Variants in ERG observed in about 807,000 individuals in gnomAD.
The protein encoded by ERG is ETS transcription factor ERG.
A neutral mutation model predicts 55.3 loss-of-function variants in ERG; 9 were observed. That is an observed-to-expected ratio of 0.16 (90% CI 0.10 to 0.28). The LOEUF is 0.28. Ranked by LOEUF, ERG falls within the 10% of genes least tolerant of loss-of-function variation. ERG has a pLI of 1.00. For missense variants in ERG, 434 were observed against 631.6 expected (o/e 0.69, Z 3.35); for synonymous variants, 223 against 237.3 (o/e 0.94, Z 0.55).
intron 2 of ERG, among the ~76,000 whole-genome samples, chr21:38,432,840 C>G (rs1990279801): frequency 6.6e-6 from 1 of 152,224 alleles, no homozygotes; most frequent in Non-Finnish European, 1.5e-5. Context: ...ACTCTATGCC[C>G]TTGCTTGGTA....
chr21:38,562,540 CT>C (rs1335363722), intron 2 of ERG, among the ~76,000 whole-genome samples: 1 of 152,174 alleles, frequency 6.6e-6, no homozygotes, highest in African/African-American at 2.4e-5. Flanking sequence ...CCCCAGGTGA[CT>C]TATGGATGTA....
intron 1 of ERG, among the ~76,000 whole-genome samples, chr21:38,463,333 T>C (rs957843270): frequency 6.6e-5 from 10 of 152,160 alleles, no homozygotes; most frequent in African/African-American, 2.4e-4. Flanking sequence ...TGAAGGCTCA[T>C]TCTGCATGTG....
chr21:38,473,087 T>C (rs752456161), intron 1 of ERG, among the ~76,000 whole-genome samples: 8 of 148,128 alleles, frequency 5.4e-5, no homozygotes, highest in Non-Finnish European at 1.0e-4. Flanking sequence ...TTCTGAGGTG[T>C]AGCAAGTTTT....
At chr21:38,573,389 T>C (rs1444881812) in intron 2 of ERG, among the ~76,000 whole-genome samples, 1 of 152,228 alleles carries the variant, frequency 6.6e-6, no homozygotes, top group African/African-American at 2.4e-5. Flanking sequence ...TGTCTGCCCC[T>C]GGGAACTGAA....
chr21:38,461,455 C>T (rs1402235382), intron 1 of ERG, among the ~76,000 whole-genome samples: 2 of 152,214 alleles, frequency 1.3e-5, no homozygotes, highest in Admixed American at 6.5e-5. Context: ...CACTATTCAA[C>T]CCATACCATC....
the ERG span, chr21:38,367,777 T>G: frequency 2.5e-6 from 1 of 407,898 alleles, no homozygotes; most frequent in Non-Finnish European, 4.8e-6. Flanking sequence ...AGAGGGCATT[T>G]GGCAGAGGAA....
chr21:38,535,346 C>CT (rs1243451061), intron 2 of ERG, among the ~76,000 whole-genome samples: 1 of 152,120 alleles, frequency 6.6e-6, no homozygotes, highest in Non-Finnish European at 1.5e-5. Context: ...CAGAGATTTG[C>CT]TGCACCAACA....
intron 2 of ERG, among the ~76,000 whole-genome samples, chr21:38,531,791 G>A (rs923255955): frequency 2.6e-5 from 4 of 152,168 alleles, no homozygotes; most frequent in Non-Finnish European, 4.4e-5. Flanking sequence ...GTCAAGCGCT[G>A]CTGTGAGTGA....
intron 1 of ERG, among the ~76,000 whole-genome samples, chr21:38,580,121 A>C (rs2060020005): frequency 6.7e-6 from 1 of 149,506 alleles, no homozygotes; most frequent in African/African-American, 2.5e-5. Flanking sequence ...CGCCCGGCTA[A>C]TTTTTTGTAT....
intron 1 of ERG, among the ~76,000 whole-genome samples, chr21:38,590,806 G>A (rs1294173723): frequency 6.6e-6 from 1 of 152,210 alleles, no homozygotes; most frequent in Non-Finnish European, 1.5e-5. Flanking sequence ...AGAGCCTAGT[G>A]AGAGAGACAG....
intron 1 of ERG, among the ~76,000 whole-genome samples, chr21:38,604,398 T>C (rs1182692938): frequency 6.6e-6 from 1 of 152,174 alleles, no homozygotes; most frequent in Non-Finnish European, 1.5e-5. Flanking sequence ...TTATGTACAG[T>C]ATGATTACAA....
At position 38,533,818 on chromosome 21, in the gene ERG, C is replaced by T. The variant is rs866923207; in HGVS notation, c.-41+41844G>A. Among the ~76,000 whole-genome samples, 60 of 152,276 alleles carry T rather than the reference C, an allele frequency of 3.9e-4. 1 individual carries two copies. The Middle Eastern group carries it at 0.01, about 26-fold the overall frequency. Reference sequence around the variant, plus strand: ...GCATATACCTCTTATACTAGCTGCTCAACTGATATTTAGCTCTCCTGGATG... The same window carrying T: ...GCATATACCTCTTATACTAGCTGCTTAACTGATATTTAGCTCTCCTGGATG... On this transcript the variant is annotated intron_variant, in intron 2 of 8. Transcript: ENST00000398897.
chr21:38,443,993 C>T (rs1239951721), intron 2 of ERG, among the ~76,000 whole-genome samples: 1 of 152,198 alleles, frequency 6.6e-6, no homozygotes, highest in Non-Finnish European at 1.5e-5. Context: ...CGCAAACTGA[C>T]TTCTCAGAGT....
chr21:38,386,732 G>T (rs557217225), intron 9 of ERG, among the ~76,000 whole-genome samples: 1 of 152,164 alleles, frequency 6.6e-6, no homozygotes, highest in South Asian at 2.1e-4. Flanking sequence ...CTTTCATTGA[G>T]TAGCATCACC....
At chr21:38,615,465 C>T (rs2060252996) in intron 1 of ERG, among the ~76,000 whole-genome samples, 1 of 151,834 alleles carries the variant, frequency 6.6e-6, no homozygotes, top group Non-Finnish European at 1.5e-5. Flanking sequence ...AAAAAGTCTT[C>T]AAGTAAAGGA....
At chr21:38,423,083 TAG>T (rs1491560263) in intron 3 of ERG, among the ~76,000 whole-genome samples, 1 of 90,704 alleles carries the variant, frequency 1.1e-5, no homozygotes, top group Non-Finnish European at 2.2e-5. Context: ...TCTCCATACG[TAG>T]TGTGTGTGTG....
At chr21:38,597,052 G>C (rs950025793) in intron 1 of ERG, among the ~76,000 whole-genome samples, 1 of 152,152 alleles carries the variant, frequency 6.6e-6, no homozygotes, top group Non-Finnish European at 1.5e-5. Flanking sequence ...CTTTTTAATG[G>C]TAATATCTTC....
chr21:38,643,893 C>T (rs1268138391), intron 1 of ERG, among the ~76,000 whole-genome samples: 1 of 152,240 alleles, frequency 6.6e-6, no homozygotes, highest in Non-Finnish European at 1.5e-5. Context: ...GAAGAACACA[C>T]ACTGTCCAGG....
chr21:38,619,281 G>A (rs560350091), intron 1 of ERG, among the ~76,000 whole-genome samples: 1 of 152,228 alleles, frequency 6.6e-6, no homozygotes, highest in East Asian at 1.9e-4. Context: ...GAAGAGCCTT[G>A]GGCACATATT....
Sources: allele counts gnomAD v4.1 joint callset (sites outside exome capture counted in the v4.1 genomes callset), GRCh38; gene constraint gnomAD v4.1.1; transcripts MANE v1.5; gene names NCBI Gene and HGNC (gene_info 2026-07-23, HGNC 2026-07-21).